Variants in MYO5B observed in about 807,000 individuals in gnomAD.
MYO5B encodes myosin VB, also known as unconventional myosin-Vb.
Under a neutral mutation model 229.3 loss-of-function variants are expected in MYO5B, and 143 were observed. The ratio of observed to expected loss-of-function variants is 0.62; its 90% confidence interval spans 0.54 to 0.72. MYO5B has a LOEUF of 0.72. MYO5B is among the 30% of genes least tolerant of loss of function. MYO5B has a pLI of 0.00. For synonymous variants in MYO5B, 918 were observed against 885.2 expected (o/e 1.04, Z -0.66); for missense variants, 2,321 against 2,331.0 (o/e 1.00, Z 0.09).
chr18:50,093,576 C>T (rs1475327877), intron 1 of MYO5B, among the ~76,000 whole-genome samples: 1 of 151,998 alleles, frequency 6.6e-6, no homozygotes, highest in African/African-American at 2.4e-5. Flanking sequence ...GCTGCATTCC[C>T]AGGAAGTTAG....
intron 9 of MYO5B, among the ~76,000 whole-genome samples, chr18:49,974,865 T>C (rs1052827912): frequency 1.4e-5 from 2 of 138,094 alleles, no homozygotes; most frequent in Admixed American, 1.6e-4. Context: ...AAGAGAGCAA[T>C]GCTCAGACTG....
intron 33 of MYO5B, among the ~76,000 whole-genome samples, chr18:49,846,303 C>T (rs146285664): frequency 2.0e-4 from 31 of 152,274 alleles, no homozygotes; most frequent in African/African-American, 7.0e-4. Flanking sequence ...AGGCCTGGCA[C>T]GGAGCCCGAG....
At chr18:50,031,502 A>G (rs1302561224) in intron 4 of MYO5B, among the ~76,000 whole-genome samples, 1 of 152,212 alleles carries the variant, frequency 6.6e-6, no homozygotes. Context: ...AGCACCAATC[A>G]TATGCACTGG....
rs183916061 is a variant in MYO5B, at chr18:49,880,299, G to T, written c.3130+72C>A. ...TCTAGTCTAACTGCATGCTTGCTAG[G>T]AGTCTTTGGGAGAAGTCAGTGAGGA... On this transcript the variant is annotated intron_variant, in intron 23 of 39. Transcript: ENST00000285039. 1.2e-5 allele frequency: 15 copies of T among 1,268,732 alleles called. No individual in the cohort carries two copies. In the African/African-American group the frequency reaches 2.2e-4, roughly 19 times the overall value. The allele number at this position is 1,268,732 out of a possible 1,614,324, so 78.6% of individuals were successfully genotyped here.
chr18:49,833,440 C>T (rs2023949010), intron 39 of MYO5B, among the ~76,000 whole-genome samples: 1 of 152,114 alleles, frequency 6.6e-6, no homozygotes, highest in East Asian at 1.9e-4. Flanking sequence ...AAAGCTATAG[C>T]TCATGAAAAA....
chr18:50,001,990 C>CG (rs1354199099), intron 4 of MYO5B, among the ~76,000 whole-genome samples: 5 of 147,020 alleles, frequency 3.4e-5, no homozygotes, highest in African/African-American at 1.3e-4. Flanking sequence ...GAGCCGAGAT[C>CG]GTGCCACTGC....
chr18:49,881,525 A>G (rs1317608122), intron 22 of MYO5B, among the ~76,000 whole-genome samples: 2 of 152,226 alleles, frequency 1.3e-5, no homozygotes, highest in African/African-American at 4.8e-5. Context: ...TGAAGAGGCC[A>G]GGCGCAGTGG....
intron 1 of MYO5B, among the ~76,000 whole-genome samples, chr18:50,151,665 T>C (rs750750440): frequency 7.8e-4 from 119 of 152,290 alleles, no homozygotes; most frequent in Admixed American, 2.9e-3. Flanking sequence ...AGTATATATA[T>C]ACACTAGTTT....
At chr18:50,177,778 G>A (rs940867053) in intron 1 of MYO5B, among the ~76,000 whole-genome samples, 3 of 152,216 alleles carry the variant, frequency 2.0e-5, no homozygotes, top group South Asian at 2.1e-4. Context: ...GGCAGGGATA[G>A]GAAGGCATGT....
intron 1 of MYO5B, among the ~76,000 whole-genome samples, chr18:50,185,881 G>A (rs1353208183): frequency 6.6e-6 from 1 of 152,190 alleles, no homozygotes; most frequent in Admixed American, 6.5e-5. Flanking sequence ...GATAGCCATA[G>A]ATTAAGATTT....
chr18:50,075,362 C>T (rs1273256864), intron 1 of MYO5B, among the ~76,000 whole-genome samples: 1 of 152,208 alleles, frequency 6.6e-6, no homozygotes, highest in Non-Finnish European at 1.5e-5. Context: ...TAAACACCTA[C>T]ATATACACAG....
chr18:49,978,675 A>G (rs992073343), intron 9 of MYO5B, among the ~76,000 whole-genome samples: 1 of 149,310 alleles, frequency 6.7e-6, no homozygotes, highest in Non-Finnish European at 1.5e-5. Flanking sequence ...CACAAAGGAG[A>G]AAGGTAGGCA....
chr18:49,959,720 G>A (rs905732703), intron 12 of MYO5B, among the ~76,000 whole-genome samples: 29 of 152,172 alleles, frequency 1.9e-4, no homozygotes, highest in African/African-American at 6.0e-4. Flanking sequence ...GTTCAAGGTT[G>A]CCTGTTCCTC....
chr18:50,025,524 G>A (rs527545733), intron 4 of MYO5B, among the ~76,000 whole-genome samples: 7 of 152,300 alleles, frequency 4.6e-5, no homozygotes, highest in African/African-American at 1.4e-4. Context: ...TGAAAACCCT[G>A]CTGTCTCAGT....
intron 2 of MYO5B, 65 bp from the exon 3 acceptor site, chr18:50,040,379 C>A: frequency 1.4e-6 from 2 of 1,431,298 alleles, no homozygotes; most frequent in Non-Finnish European, 2.0e-6. Context: ...TATTCAATGT[C>A]CTGTCTTCTT....
chr18:50,023,136 C>CA (rs55848235), intron 4 of MYO5B, among the ~76,000 whole-genome samples: 2,735 of 144,610 alleles, frequency 0.019, 69 homozygotes, highest in African/African-American at 0.061. Context: ...CAATGTCTTA[C>CA]AAAAAAAAAA....
chr18:49,957,558 A>G (rs1462477195), intron 12 of MYO5B, among the ~76,000 whole-genome samples: 1 of 151,986 alleles, frequency 6.6e-6, no homozygotes, highest in Non-Finnish European at 1.5e-5. Context: ...AGGCAGGAGG[A>G]TCGCTTGAGC....
chr18:50,172,461 T>C (rs2032933421), intron 1 of MYO5B, among the ~76,000 whole-genome samples: 1 of 152,128 alleles, frequency 6.6e-6, no homozygotes, highest in Non-Finnish European at 1.5e-5. Context: ...CCTACCACTG[T>C]GAGTTTTGTT....
At chr18:49,853,920 TA>T (rs2024231287) in intron 30 of MYO5B, among the ~76,000 whole-genome samples, 1 of 152,282 alleles carries the variant, frequency 6.6e-6, no homozygotes. Flanking sequence ...TCAGTGAGCA[TA>T]GTTTAATGGT....
Sources: allele counts gnomAD v4.1 joint callset (sites outside exome capture counted in the v4.1 genomes callset), GRCh38; gene constraint gnomAD v4.1.1; transcripts MANE v1.5; gene names NCBI Gene and HGNC (gene_info 2026-07-23, HGNC 2026-07-21).